Variants in TAFA1 observed in about 807,000 individuals in gnomAD.
The protein encoded by TAFA1 is chemokine-like protein TAFA-1.
In TAFA1, 4 loss-of-function variants were observed where a neutral mutation model predicts 18.5. That is an observed-to-expected ratio of 0.22 (90% CI 0.11 to 0.49). TAFA1 has a LOEUF of 0.49. Ranked by LOEUF, TAFA1 falls within the 20% of genes least tolerant of loss-of-function variation. The pLI is 0.98. For synonymous variants in TAFA1, 56 were observed against 55.2 expected (o/e 1.01, Z -0.06); for missense variants, 147 against 169.0 (o/e 0.87, Z 0.72).
chr3:68,191,913 A>G (rs1244645917), intron 2 of TAFA1, among the ~76,000 whole-genome samples: 1 of 151,858 alleles, frequency 6.6e-6, no homozygotes, highest in Non-Finnish European at 1.5e-5. Flanking sequence ...CTTCAACGTC[A>G]TTCAATCAAT....
intron 2 of TAFA1, among the ~76,000 whole-genome samples, chr3:68,410,605 C>T (rs2070695911): frequency 7.0e-6 from 1 of 143,150 alleles, no homozygotes; most frequent in Non-Finnish European, 1.5e-5. Flanking sequence ...GTTCTTTATT[C>T]TATATCCTCT....
intron 2 of TAFA1, among the ~76,000 whole-genome samples, chr3:68,127,441 T>C (rs1231338555): frequency 6.6e-6 from 1 of 152,008 alleles, no homozygotes; most frequent in Non-Finnish European, 1.5e-5. Context: ...GGTTATAATG[T>C]TGTAATGTTG....
chr3:68,044,957 A>T (rs1705238143), intron 2 of TAFA1, among the ~76,000 whole-genome samples: 1 of 152,234 alleles, frequency 6.6e-6, no homozygotes, highest in South Asian at 2.1e-4. Flanking sequence ...GTGGAAAGAT[A>T]CCCACAGGAA....
At chr3:68,229,897 A>T (rs2066849822) in intron 2 of TAFA1, among the ~76,000 whole-genome samples, 1 of 152,184 alleles carries the variant, frequency 6.6e-6, no homozygotes, top group African/African-American at 2.4e-5. Context: ...AGTAAATGTG[A>T]TGATGTATGT....
chr3:68,014,678 C>T (rs1704535537), intron 2 of TAFA1, among the ~76,000 whole-genome samples: 1 of 152,170 alleles, frequency 6.6e-6, no homozygotes, highest in South Asian at 2.1e-4. Context: ...ATCTATTTGA[C>T]ATAGCAGGAT....
At chr3:68,020,141 C>G (rs750113747) in intron 2 of TAFA1, among the ~76,000 whole-genome samples, 1 of 151,928 alleles carries the variant, frequency 6.6e-6, no homozygotes, top group South Asian at 2.1e-4. Context: ...ATAGGCTGTT[C>G]TTTTATGCAA....
chr3:68,399,224 C>T (rs1023261693), intron 2 of TAFA1, among the ~76,000 whole-genome samples: 2 of 152,136 alleles, frequency 1.3e-5, no homozygotes, highest in Admixed American at 6.5e-5. Flanking sequence ...AGAAGGTGTG[C>T]ATTTTACAAA....
intron 2 of TAFA1, among the ~76,000 whole-genome samples, chr3:68,274,343 C>T (rs943551710): frequency 1.8e-4 from 27 of 152,160 alleles, no homozygotes; most frequent in Non-Finnish European, 4.4e-5. Flanking sequence ...ACTCTCCAAA[C>T]CCCATCCAAC....
intron 2 of TAFA1, among the ~76,000 whole-genome samples, chr3:68,074,264 T>C (rs1049533268): frequency 7.2e-5 from 11 of 152,192 alleles, no homozygotes; most frequent in African/African-American, 1.7e-4. Flanking sequence ...TAAATACAGA[T>C]GAAAATTCAC....
At chr3:68,440,176 A>G (rs1028066749) in intron 3 of TAFA1, among the ~76,000 whole-genome samples, 1 of 152,082 alleles carries the variant, frequency 6.6e-6, no homozygotes, top group African/African-American at 2.4e-5. Context: ...ATGAGTCTCA[A>G]AAGAGCTGAT....
intron 2 of TAFA1, among the ~76,000 whole-genome samples, chr3:68,158,572 A>AG (rs1209694361): frequency 1.2e-4 from 18 of 151,992 alleles, no homozygotes; most frequent in African/African-American, 3.9e-4. Flanking sequence ...TTTCAGGGTT[A>AG]GGAAACATTA....
At chr3:68,129,001 A>G (rs987489322) in intron 2 of TAFA1, among the ~76,000 whole-genome samples, 1 of 152,212 alleles carries the variant, frequency 6.6e-6, no homozygotes, top group African/African-American at 2.4e-5. Flanking sequence ...TACAAATGAT[A>G]TTATACAAAG....
chr3:68,036,533 T>A (rs1393278346), intron 2 of TAFA1, among the ~76,000 whole-genome samples: 5 of 152,052 alleles, frequency 3.3e-5, no homozygotes, highest in Non-Finnish European at 2.9e-5. Flanking sequence ...CATTTATAAG[T>A]TGATTGCATG....
At chr3:68,483,964 T>C (rs879346806) in intron 3 of TAFA1, among the ~76,000 whole-genome samples, 1 of 152,210 alleles carries the variant, frequency 6.6e-6, no homozygotes, top group Non-Finnish European at 1.5e-5. Context: ...AGAAACACAA[T>C]CTGATACGTA....
At chr3:68,267,095 C>T (rs2067562644) in intron 2 of TAFA1, among the ~76,000 whole-genome samples, 1 of 152,140 alleles carries the variant, frequency 6.6e-6, no homozygotes, top group Non-Finnish European at 1.5e-5. Context: ...TGAGTTTCTC[C>T]TCACAACAAG....
intron 3 of TAFA1, among the ~76,000 whole-genome samples, chr3:68,439,252 T>C (rs1288912290): frequency 6.6e-6 from 1 of 151,508 alleles, no homozygotes; most frequent in East Asian, 1.9e-4. Context: ...CTCCCAAATC[T>C]CAGTGTAAGT....
chr3:68,016,314 A>G (rs74999831), intron 2 of TAFA1, among the ~76,000 whole-genome samples: 142,810 of 152,270 alleles, frequency 0.94, 67,135 homozygotes, highest in South Asian at 0.98. Flanking sequence ...GGTCCCATAA[A>G]ATTATAATAC....
intron 2 of TAFA1, among the ~76,000 whole-genome samples, chr3:68,121,907 A>C (rs2106862010): frequency 6.7e-6 from 1 of 150,342 alleles, no homozygotes; most frequent in Non-Finnish European, 1.5e-5. Context: ...GATTAATTGC[A>C]GGATGTTTAT....
intron 2 of TAFA1, among the ~76,000 whole-genome samples, chr3:68,166,393 T>C (rs1271613244): frequency 2.0e-5 from 3 of 152,140 alleles, no homozygotes; most frequent in Admixed American, 6.5e-5. Flanking sequence ...GCAATTATAT[T>C]ATCATGCGTT....
Sources: gnomAD v4.1 joint callset for allele counts (sites outside exome capture counted in the v4.1 genomes callset) on GRCh38, gnomAD v4.1.1 for gene constraint, MANE v1.5 for transcripts, NCBI Gene and HGNC (gene_info 2026-07-23, HGNC 2026-07-21) for gene names.